The following ROBO2 variants were observed in gnomAD, a reference collection of about 807,000 sequenced individuals.
ROBO2 encodes the protein roundabout homolog 2.
In ROBO2, 53 loss-of-function variants were observed where a neutral mutation model predicts 160.8. That is an observed-to-expected ratio of 0.33 (90% CI 0.26 to 0.41). The LOEUF (loss-of-function observed/expected upper bound fraction) is 0.41, where lower values mean the gene tolerates loss of function less well. Ranked by LOEUF, ROBO2 falls within the 10% of genes least tolerant of loss-of-function variation. ROBO2 has a pLI of 1.00. For synonymous variants in ROBO2, 664 were observed against 611.7 expected (o/e 1.09, Z -1.26); for missense variants, 1,577 against 1,722.4 (o/e 0.92, Z 1.49).
intron 2 of ROBO2, among the ~76,000 whole-genome samples, chr3:76,065,084 T>C (rs2068207210): frequency 6.6e-6 from 1 of 152,046 alleles, no homozygotes; most frequent in South Asian, 2.1e-4. Context: ...GCAAAAGTGG[T>C]TAAAAAATAT....
In ROBO2 at chr3:77,330,861, A is replaced by G. The variant is rs576593186; in HGVS notation, c.389-146553A>G. ...ATCTTTGTTTATTTGGTAAAGTATT[A>G]TTTTTTTAAGGGTTAGCAATTCTAA... On this transcript the variant is annotated intron_variant, in intron 2 of 25. Transcript: ENST00000461745. 3.3e-5 allele frequency among the ~76,000 whole-genome samples: 5 copies of G among 152,234 alleles called. No individual in the cohort carries two copies. In the South Asian group the frequency reaches 1.0e-3, roughly 32 times the overall value.
chr3:76,209,843 T>C (rs1703033158), intron 2 of ROBO2, among the ~76,000 whole-genome samples: 1 of 152,120 alleles, frequency 6.6e-6, no homozygotes, highest in South Asian at 2.1e-4. Context: ...TCAGAAGACA[T>C]TCATATTGAA....
Position 77,346,389 on chromosome 3 carries a change from A to G in ROBO2, c.389-131025A>G, listed in dbSNP as rs1026631323. Among the ~76,000 whole-genome samples the G allele has an allele frequency of 4.6e-5, 7 of 152,246 alleles. No homozygotes were observed. The East Asian group carries it at 9.7e-4, about 21-fold the overall frequency. On this transcript the variant is annotated intron_variant, in intron 2 of 25. Coordinates refer to ENST00000461745, the Ensembl canonical transcript of ROBO2. Reference sequence around the variant, plus strand: ...GCATATCAACCTTCTCCCTGGGTCCAGTTTTATTACTCCTCATTCTACTCT... The same window carrying G: ...GCATATCAACCTTCTCCCTGGGTCCGGTTTTATTACTCCTCATTCTACTCT...
intron 2 of ROBO2, among the ~76,000 whole-genome samples, chr3:77,191,588 G>T (rs1018424897): frequency 6.6e-6 from 1 of 151,996 alleles, no homozygotes; most frequent in African/African-American, 2.4e-5. Flanking sequence ...TTTAAACGTG[G>T]ATATTGCTGA....
chr3:77,300,570 AT>A (rs201879922), intron 2 of ROBO2, among the ~76,000 whole-genome samples: 26 of 152,016 alleles, frequency 1.7e-4, no homozygotes, highest in African/African-American at 5.1e-4. Context: ...AACAGACTAA[AT>A]TTAAAAAAAA....
At chr3:76,551,044 C>T (rs778631764) in intron 2 of ROBO2, among the ~76,000 whole-genome samples, 2 of 151,876 alleles carry the variant, frequency 1.3e-5, no homozygotes, top group African/African-American at 2.4e-5. Context: ...GTCTCGGGGG[C>T]GAGCTGCCAG....
chr3:76,818,785 C>T (rs1224136362), intron 2 of ROBO2, among the ~76,000 whole-genome samples: 1 of 152,048 alleles, frequency 6.6e-6, no homozygotes, highest in African/African-American at 2.4e-5. Context: ...GGGTTTATTT[C>T]TGGGTTCTCT....
intron 2 of ROBO2, among the ~76,000 whole-genome samples, chr3:75,959,716 A>G (rs1168511598): frequency 1.3e-5 from 2 of 151,748 alleles, no homozygotes; most frequent in African/African-American, 2.4e-5. Context: ...TACAAATTCA[A>G]TGTCCCATCA....
chr3:76,040,379 T>C (rs914930320), intron 2 of ROBO2, among the ~76,000 whole-genome samples: 6 of 151,806 alleles, frequency 4.0e-5, no homozygotes, highest in African/African-American at 1.2e-4. Context: ...CAAAATAATA[T>C]ATAAATACTA....
At chr3:76,102,300 A>G (rs1481224105) in intron 2 of ROBO2, among the ~76,000 whole-genome samples, 1 of 152,196 alleles carries the variant, frequency 6.6e-6, no homozygotes, top group Non-Finnish European at 1.5e-5. Context: ...ACATTTGGAT[A>G]TACTGGACTA....
intron 2 of ROBO2, among the ~76,000 whole-genome samples, chr3:76,526,711 A>G (rs1282453630): frequency 6.6e-6 from 1 of 152,072 alleles, no homozygotes. Flanking sequence ...AACTCAACAC[A>G]AACCATTTAT....
chr3:77,344,877 T>G (rs1213189078), intron 2 of ROBO2, among the ~76,000 whole-genome samples: 1 of 152,142 alleles, frequency 6.6e-6, no homozygotes, highest in African/African-American at 2.4e-5. Flanking sequence ...ATACTGTTTC[T>G]TCTTGATATA....
At chr3:76,610,670 C>T (rs1397321224) in intron 2 of ROBO2, among the ~76,000 whole-genome samples, 3 of 1,248 alleles carry the variant, frequency 2.4e-3, no homozygotes, top group Non-Finnish European at 0.012. Context: ...TTCATTCTCA[C>T]TGCGCGTCCT....
At chr3:77,145,121 A>C (rs754542287) in intron 2 of ROBO2, among the ~76,000 whole-genome samples, 92 of 152,302 alleles carry the variant, frequency 6.0e-4, no homozygotes, top group Non-Finnish European at 1.2e-3. Flanking sequence ...TTTACAGTTC[A>C]GAGTCTCTAT....
At chr3:76,927,127 A>T (rs932031444) in intron 2 of ROBO2, among the ~76,000 whole-genome samples, 1 of 152,084 alleles carries the variant, frequency 6.6e-6, no homozygotes, top group Non-Finnish European at 1.5e-5. Flanking sequence ...TTCTTGTTCC[A>T]CTCATATGAT....
At chr3:76,159,550 G>A (rs1293736307) in intron 2 of ROBO2, among the ~76,000 whole-genome samples, 2 of 152,206 alleles carry the variant, frequency 1.3e-5, no homozygotes, top group Non-Finnish European at 2.9e-5. Context: ...TCAAACATGG[G>A]ACTGAGCTGG....
At chr3:76,273,114 CATATAA>C (rs1189027172) in intron 2 of ROBO2, among the ~76,000 whole-genome samples, 4,539 of 106,554 alleles carry the variant, frequency 0.043, 156 homozygotes, top group Non-Finnish European at 0.05. Context: ...TACACACACA[CATATAA>C]ATATATATAT....
At chr3:77,240,727 G>A (rs1469672939) in intron 2 of ROBO2, among the ~76,000 whole-genome samples, 1 of 152,234 alleles carries the variant, frequency 6.6e-6, no homozygotes, top group Non-Finnish European at 1.5e-5. Flanking sequence ...ATAGTTATTT[G>A]ATTAAATTTA....
At position 77,559,618 on chromosome 3, in the gene ROBO2, A is replaced by C. The variant is rs112505193; in HGVS notation, c.1437+1469A>C. Among the ~76,000 whole-genome samples the C allele has an allele frequency of 2.3e-3, 350 of 152,154 alleles. 2 individuals carry two copies. The highest frequency in any genetic ancestry group is 6.7e-3 in the African/African-American group (278 of 41,532). On this transcript the variant is annotated intron_variant, in intron 9 of 25. Coordinates refer to ENST00000461745, the Ensembl canonical transcript of ROBO2. ...TTCTGGAGCTAAAAAGAAAGGCAAA[A>C]ATTTTTAACTACACATATTTCCAAA... is the stretch of plus-strand genomic sequence containing the variant.
Sources: gnomAD v4.1 joint callset for allele counts (sites outside exome capture counted in the v4.1 genomes callset) on GRCh38, gnomAD v4.1.1 for gene constraint, MANE v1.5 for transcripts, NCBI Gene and HGNC (gene_info 2026-07-23, HGNC 2026-07-21) for gene names.